Variants in MAGI1 observed in about 807,000 individuals in gnomAD.
MAGI1 encodes membrane-associated guanylate kinase, WW and PDZ domain-containing protein 1.
In MAGI1, 58 loss-of-function variants were observed where a neutral mutation model predicts 139.9. The ratio of observed to expected loss-of-function variants is 0.41; its 90% CI spans 0.34 to 0.52. The LOEUF (loss-of-function observed/expected upper bound fraction) is 0.52. Among genes scored for constraint, MAGI1 ranks in the 20% least tolerant of loss-of-function variants. MAGI1 has a pLI of 0.12. For missense variants in MAGI1, 1,874 were observed against 1,901.6 expected, an observed-to-expected ratio of 0.99 and a Z score of 0.27; for synonymous variants, 812 against 737.9, an observed-to-expected ratio of 1.10 and a Z score of -1.63.
chr3:65,950,597 A>T (rs979768983), intron 1 of MAGI1, among the ~76,000 whole-genome samples: 1 of 152,208 alleles, frequency 6.6e-6, no homozygotes, highest in Non-Finnish European at 1.5e-5. Context: ...TCCCTATGTA[A>T]ATTAAACTCT....
At chr3:65,628,178 C>A (rs1338220208) in intron 1 of MAGI1, among the ~76,000 whole-genome samples, 2 of 151,922 alleles carry the variant, frequency 1.3e-5, no homozygotes, top group Non-Finnish European at 2.9e-5. Flanking sequence ...ATGGTGGTAC[C>A]AATTTGCCTT....
At chr3:65,869,367 T>TTGTTGTTGTTGTTG (rs2059846075) in intron 1 of MAGI1, among the ~76,000 whole-genome samples, 1 of 118,870 alleles carries the variant, frequency 8.4e-6, no homozygotes, top group African/African-American at 3.2e-5. Flanking sequence ...AGACTGGTTT[T>TTGTTGTTGTTGTTG]TTGTTGTTGT....
At chr3:65,441,409 T>C (rs1948317210) in intron 8 of MAGI1, among the ~76,000 whole-genome samples, 1 of 152,192 alleles carries the variant, frequency 6.6e-6, no homozygotes. Context: ...GCTCTTAATT[T>C]CTATTAAAGG....
chr3:65,747,533 A>G (rs2035804866), intron 1 of MAGI1, among the ~76,000 whole-genome samples: 2 of 152,318 alleles, frequency 1.3e-5, no homozygotes, highest in South Asian at 4.1e-4. Context: ...GAATTAATAC[A>G]CATTTGTAAT....
At chr3:66,000,662 G>C (rs1032220763) in intron 1 of MAGI1, among the ~76,000 whole-genome samples, 2 of 152,246 alleles carry the variant, frequency 1.3e-5, no homozygotes, top group East Asian at 1.9e-4. Context: ...GTGAGCCAGA[G>C]AGCTCTGCTC....
chr3:65,976,320 C>A (rs923745529), intron 1 of MAGI1, among the ~76,000 whole-genome samples: 1 of 152,108 alleles, frequency 6.6e-6, no homozygotes, highest in Admixed American at 6.6e-5. Context: ...GTAGGCCATA[C>A]AAAATTTATT....
intron 1 of MAGI1, among the ~76,000 whole-genome samples, chr3:65,811,362 GA>G (rs1559905470): frequency 6.6e-6 from 1 of 152,168 alleles, no homozygotes; most frequent in Non-Finnish European, 1.5e-5. Context: ...TATTCCATTA[GA>G]CATTTTTAGA....
chr3:65,402,867 T>G (rs1482762331), intron 12 of MAGI1, among the ~76,000 whole-genome samples: 2 of 152,126 alleles, frequency 1.3e-5, no homozygotes, highest in Non-Finnish European at 2.9e-5. Context: ...GAGGTCACCA[T>G]GGAAGCCTGG....
intron 6 of MAGI1, among the ~76,000 whole-genome samples, chr3:65,449,279 T>G (rs925855363): frequency 4.6e-5 from 7 of 151,970 alleles, no homozygotes; most frequent in Non-Finnish European, 7.4e-5. Flanking sequence ...ATAATAATAA[T>G]AAAAAAATGA....
At chr3:65,614,423 TA>T (rs2083270546) in intron 2 of MAGI1, among the ~76,000 whole-genome samples, 1 of 152,344 alleles carries the variant, frequency 6.6e-6, no homozygotes, top group South Asian at 2.1e-4. Flanking sequence ...TCTATAAATC[TA>T]ATTTTCTTCA....
intron 1 of MAGI1, among the ~76,000 whole-genome samples, chr3:65,973,114 C>T (rs1322967509): frequency 1.3e-5 from 2 of 152,002 alleles, no homozygotes; most frequent in Non-Finnish European, 2.9e-5. Context: ...CATGCCACTA[C>T]ACTCCAGCTG....
At chr3:65,645,954 T>C (rs1372787251) in intron 1 of MAGI1, among the ~76,000 whole-genome samples, 1 of 150,944 alleles carries the variant, frequency 6.6e-6, no homozygotes, top group East Asian at 1.9e-4. Flanking sequence ...TGCTAATAAA[T>C]GCTCAACCCA....
At chr3:65,860,587 G>A (rs910735326) in intron 1 of MAGI1, among the ~76,000 whole-genome samples, 2 of 152,186 alleles carry the variant, frequency 1.3e-5, no homozygotes, top group Non-Finnish European at 2.9e-5. Context: ...AGGAGCCATG[G>A]GGATCTGCCA....
chr3:65,951,605 T>C (rs916181838), intron 1 of MAGI1, among the ~76,000 whole-genome samples: 2 of 152,226 alleles, frequency 1.3e-5, no homozygotes, highest in African/African-American at 4.8e-5. Context: ...AAATGTATTA[T>C]TAAAATTAAT....
intron 1 of MAGI1, among the ~76,000 whole-genome samples, chr3:65,809,673 G>A (rs1302202090): frequency 6.6e-6 from 1 of 152,192 alleles, no homozygotes; most frequent in Non-Finnish European, 1.5e-5. Flanking sequence ...GGCCAGCCCT[G>A]GAGCCCTGAG....
At chr3:65,750,876 G>A (rs960988889) in intron 1 of MAGI1, among the ~76,000 whole-genome samples, 2 of 152,130 alleles carry the variant, frequency 1.3e-5, no homozygotes, top group African/African-American at 4.8e-5. Flanking sequence ...TGAAATTTTT[G>A]CAGGAAAAGA....
chr3:65,550,958 C>T lies in MAGI1; in HGVS notation c.431-57327G>A, dbSNP rs567680976. Among the ~76,000 whole-genome samples the T allele has an allele frequency of 2.0e-5, 3 of 152,140 alleles. No homozygotes were observed. In the South Asian group the frequency reaches 6.2e-4, roughly 32 times the overall value. On this transcript the variant is annotated intron_variant, in intron 2 of 22. Transcript: ENST00000402939. Reference sequence around the variant, plus strand: ...ACACTCCAGCCTGGGCAACAGAGACCCTGTCTTAAAAAGAAACGGAATTCC... The same window carrying T: ...ACACTCCAGCCTGGGCAACAGAGACTCTGTCTTAAAAAGAAACGGAATTCC...
intron 1 of MAGI1, among the ~76,000 whole-genome samples, chr3:65,778,117 G>A (rs1475231855): frequency 6.6e-6 from 1 of 152,062 alleles, no homozygotes; most frequent in Non-Finnish European, 1.5e-5. Flanking sequence ...CTAACTTAAT[G>A]AAGAAAATAT....
chr3:65,779,203 G>T (rs778155980), intron 1 of MAGI1, among the ~76,000 whole-genome samples: 6 of 152,030 alleles, frequency 3.9e-5, no homozygotes, highest in African/African-American at 1.4e-4. Flanking sequence ...TTAAGTTTAC[G>T]CTTCAGTACA....
Sources: allele counts gnomAD v4.1 joint callset (sites outside exome capture counted in the v4.1 genomes callset), GRCh38; gene constraint gnomAD v4.1.1; transcripts MANE v1.5; gene names NCBI Gene and HGNC (gene_info 2026-07-23, HGNC 2026-07-21).